The following HLCS variants were observed in gnomAD, a reference collection of about 807,000 sequenced individuals.
HLCS encodes the protein biotin--protein ligase.
Under a neutral mutation model 75.0 loss-of-function variants are expected in HLCS, and 53 were observed. The observed-to-expected ratio is 0.71, with a 90% CI of 0.57 to 0.89. The LOEUF (loss-of-function observed/expected upper bound fraction) is 0.89, where lower values mean the gene tolerates loss of function less well. HLCS is among the 40% of genes least tolerant of loss of function. HLCS has a pLI of 0.00. For synonymous variants in HLCS, 431 were observed against 428.6 expected, an observed-to-expected ratio of 1.01 and a Z score of -0.07; for missense variants, 966 against 1,074.0, an observed-to-expected ratio of 0.90 and a Z score of 1.41.
intron 6 of HLCS, among the ~76,000 whole-genome samples, chr21:36,837,663 TAGA>T (rs1374853090): frequency 6.6e-6 from 1 of 152,184 alleles, no homozygotes; most frequent in African/African-American, 2.4e-5. Flanking sequence ...GGTTGGCCCA[TAGA>T]AGAATAAGGA....
chr21:36,866,154 A>T (rs1175925305), intron 6 of HLCS, among the ~76,000 whole-genome samples: 1 of 322 alleles, frequency 3.1e-3, no homozygotes, highest in African/African-American at 0.014. Context: ...GGACCAAATT[A>T]GTTGGTTAGT....
chr21:36,825,975 G>C (rs985624106), intron 6 of HLCS, among the ~76,000 whole-genome samples: 1 of 152,130 alleles, frequency 6.6e-6, no homozygotes, highest in Non-Finnish European at 1.5e-5. Flanking sequence ...AGACCCACCT[G>C]GAAGGCAGAG....
At chr21:36,824,813 A>T (rs906965081) in intron 6 of HLCS, among the ~76,000 whole-genome samples, 2 of 152,190 alleles carry the variant, frequency 1.3e-5, no homozygotes, top group Non-Finnish European at 2.9e-5. Flanking sequence ...AACACAAAAC[A>T]ATAAAGGAAG....
intron 2 of HLCS, among the ~76,000 whole-genome samples, chr21:36,950,637 A>T (rs1349530535): frequency 6.7e-6 from 1 of 149,854 alleles, no homozygotes; most frequent in Non-Finnish European, 1.5e-5. Context: ...GCCTGGCTAA[A>T]TTTTTTTTTT....
At chr21:36,963,940 C>A (rs773269976) in intron 1 of HLCS, among the ~76,000 whole-genome samples, 1 of 152,010 alleles carries the variant, frequency 6.6e-6, no homozygotes, top group Admixed American at 6.6e-5. Context: ...TATGAGAACA[C>A]GCCAGGCTTG....
rs146454545 is a variant in HLCS at position 36,965,303 on chromosome 21, A to C, written c.195+1141T>G. Among the ~76,000 whole-genome samples, 763 of 152,372 alleles carry C rather than the reference A, an allele frequency of 5.0e-3. 8 individuals are homozygous for C. The highest frequency in any genetic ancestry group is 0.019 in the South Asian group (93 of 4,824). On this transcript the variant is annotated intron_variant, in intron 1 of 10. Transcript: ENST00000674895. The stretch of plus-strand genomic sequence containing the variant: ...TTCCAGAAAACAGAGGAAAGGGACA[A>C]GAAACAGATTAAAAGCAAAACACGT...
intron 6 of HLCS, among the ~76,000 whole-genome samples, chr21:36,821,759 C>CAA (rs2061848640): frequency 6.6e-6 from 1 of 151,782 alleles, no homozygotes; most frequent in Non-Finnish European, 1.5e-5. Context: ...GTTTTCAGTA[C>CAA]AAAAAAACAC....
intron 5 of HLCS, among the ~76,000 whole-genome samples, chr21:36,923,579 G>A (rs752566682): frequency 3.3e-5 from 5 of 152,138 alleles, no homozygotes; most frequent in Non-Finnish European, 5.9e-5. Context: ...CAACAAAAGC[G>A]TTTGTGCAGA....
chr21:36,979,409 A>G (rs2069045133), intron 1 of HLCS, among the ~76,000 whole-genome samples: 1 of 152,184 alleles, frequency 6.6e-6, no homozygotes, highest in Non-Finnish European at 1.5e-5. Flanking sequence ...ATCCGTTTAC[A>G]TTCTCCAGCC....
chr21:36,794,980 A>C (rs2060983570), intron 6 of HLCS, among the ~76,000 whole-genome samples: 1 of 151,980 alleles, frequency 6.6e-6, no homozygotes, highest in Non-Finnish European at 1.5e-5. Flanking sequence ...AGCCCACGGA[A>C]TCCAAGCAGA....
chr21:36,771,396 A>G (rs1260037403), intron 6 of HLCS, among the ~76,000 whole-genome samples: 1 of 152,182 alleles, frequency 6.6e-6, no homozygotes, highest in East Asian at 1.9e-4. Context: ...AGCCTTAAAC[A>G]TGGTTTACTT....
At chr21:36,866,738 C>A (rs547737173) in intron 6 of HLCS, among the ~76,000 whole-genome samples, 4 of 152,114 alleles carry the variant, frequency 2.6e-5, no homozygotes, top group African/African-American at 9.7e-5. Flanking sequence ...TAACTATCAT[C>A]TTCAACCACA....
intron 8 of HLCS, among the ~76,000 whole-genome samples, chr21:36,760,152 TCCA>T (rs953511354): frequency 6.6e-6 from 1 of 152,054 alleles, no homozygotes. Flanking sequence ...TATGTCAGTA[TCCA>T]CCACCACCAC....
intron 6 of HLCS, among the ~76,000 whole-genome samples, chr21:36,823,083 TCTAAGA>T (rs1386051355): frequency 6.6e-6 from 1 of 152,182 alleles, no homozygotes; most frequent in Non-Finnish European, 1.5e-5. Context: ...TTTAAATGAA[TCTAAGA>T]CCCCGCTGAT....
chr21:36,946,154 C>A (rs1017675986), intron 2 of HLCS: 4 of 974,204 alleles, frequency 4.1e-6, no homozygotes, highest in African/African-American at 3.5e-5. Flanking sequence ...AAAAACCGAA[C>A]CTGGCAGGGA....
intron 5 of HLCS, among the ~76,000 whole-genome samples, chr21:36,903,109 AGTT>A (rs1372269449): frequency 6.6e-6 from 1 of 152,148 alleles, no homozygotes; most frequent in Non-Finnish European, 1.5e-5. Flanking sequence ...AAACCAGAAA[AGTT>A]GTTGGAAGAG....
At chr21:36,939,781 T>C (rs977349047) in intron 2 of HLCS, among the ~76,000 whole-genome samples, 2 of 152,164 alleles carry the variant, frequency 1.3e-5, no homozygotes, top group Non-Finnish European at 2.9e-5. Context: ...GGCGCTGCAG[T>C]CAGGGGTCTG....
intron 6 of HLCS, among the ~76,000 whole-genome samples, chr21:36,801,163 T>G (rs2145918941): frequency 6.6e-6 from 1 of 152,336 alleles, no homozygotes; most frequent in South Asian, 2.1e-4. Flanking sequence ...AAGACCAGAC[T>G]GGTCAATCAC....
chr21:36,851,006 G>A (rs1474545028), intron 6 of HLCS, among the ~76,000 whole-genome samples: 2 of 152,146 alleles, frequency 1.3e-5, no homozygotes, highest in African/African-American at 4.8e-5. Flanking sequence ...TGGGCAGGGT[G>A]GGTTAGGAAC....
Sources: gnomAD v4.1 joint callset for allele counts (sites outside exome capture counted in the v4.1 genomes callset) on GRCh38, gnomAD v4.1.1 for gene constraint, MANE v1.5 for transcripts, NCBI Gene and HGNC (gene_info 2026-07-23, HGNC 2026-07-21) for gene names.